Variants in SMAD2 observed in about 807,000 individuals in gnomAD.
SMAD2 encodes SMAD family member 2.
SMAD2 carries 8 observed loss-of-function variants against 64.4 expected under a neutral mutation model. The ratio of observed to expected loss-of-function variants is 0.12; its 90% CI spans 0.07 to 0.22. SMAD2 has a LOEUF of 0.22. Among genes scored for constraint, SMAD2 ranks in the 10% least tolerant of loss-of-function variants. SMAD2 has a pLI of 1.00. For synonymous variants in SMAD2, 203 were observed against 195.8 expected (o/e 1.04, Z -0.31); for missense variants, 289 against 561.2 (o/e 0.51, Z 4.90).
At position 47,824,048 on chromosome 18, in the gene SMAD2, C is replaced by T. The variant is rs373913275; in HGVS notation, c.*17779G>A. On this transcript the variant is annotated 3_prime_UTR_variant, in exon 11 of 11. Coordinates refer to ENST00000262160, the MANE Select transcript of SMAD2 (RefSeq NM_005901.6). ...GGGTTTTAACACTGACTTTTAGTTGCCAATCACTCCTGCCAATGCAGGATG... is the reference window on the plus strand; with the variant it reads ...GGGTTTTAACACTGACTTTTAGTTGTCAATCACTCCTGCCAATGCAGGATG... The T allele has an allele frequency of 1.3e-5, 2 of 152,312 alleles. No individual in the cohort carries two copies. Among genetic ancestry groups the T allele is most frequent in the East Asian group, 3.9e-4 (2 of 5,184 alleles). 9.4% of individuals were successfully genotyped at this position (152,312 alleles called of 1,614,324 possible). A position where few individuals can be genotyped will look rare whatever the true frequency, so the allele number is the denominator to read the frequency against.
chr18:47,885,132 TACACACACACAC>T (rs57342899), intron 2 of SMAD2, among the ~76,000 whole-genome samples: 36,207 of 141,668 alleles, frequency 0.26, 4,888 homozygotes, highest in Non-Finnish European at 0.31. Context: ...TTTAGTCATA[TACACACACACAC>T]ACACACACAC....
intron 6 of SMAD2, among the ~76,000 whole-genome samples, chr18:47,861,292 C>T (rs1241670067): frequency 6.6e-6 from 1 of 152,096 alleles, no homozygotes; most frequent in Admixed American, 6.5e-5. Flanking sequence ...CCATTGCACT[C>T]TAGCCTGGGC....
chr18:47,870,008 G>A (rs1217726872), intron 3 of SMAD2, among the ~76,000 whole-genome samples: 5 of 151,956 alleles, frequency 3.3e-5, no homozygotes, highest in East Asian at 1.9e-4. Flanking sequence ...TACCATATAC[G>A]CAAAAAAGAA....
chr18:47,870,924 A>T (rs2031894489), intron 2 of SMAD2, among the ~76,000 whole-genome samples: 1 of 152,188 alleles, frequency 6.6e-6, no homozygotes, highest in Admixed American at 6.6e-5. Flanking sequence ...CCAGTTTTTT[A>T]AAAAATTATC....
chr18:47,920,760 T>C (rs1444688090), intron 1 of SMAD2, among the ~76,000 whole-genome samples: 2 of 152,236 alleles, frequency 1.3e-5, no homozygotes, highest in East Asian at 1.9e-4. Flanking sequence ...CTTACAGACA[T>C]ACCTGCAAAG....
At chr18:47,874,774 G>A (rs1356610740) in intron 2 of SMAD2, among the ~76,000 whole-genome samples, 1 of 152,128 alleles carries the variant, frequency 6.6e-6, no homozygotes, top group Admixed American at 6.6e-5. Flanking sequence ...AGTTACTTGA[G>A]GTGCAGAGTG....
Position 47,817,388 on chromosome 18 carries a change from CA to C in SMAD2, c.*24438del, listed in dbSNP as rs1194086268. ...GGACTTTACATCCCTCCTGGGATGACAAAAGACTTTTTGTCTTTCCTGGCAA... is the reference window on the plus strand; with the variant it reads ...GGACTTTACATCCCTCCTGGGATGACAAAGACTTTTTGTCTTTCCTGGCAA... On this transcript the variant is annotated 3_prime_UTR_variant, in exon 11 of 11. Coordinates refer to ENST00000262160, the MANE Select transcript of SMAD2 (RefSeq NM_005901.6). The C allele has an allele frequency of 6.6e-6, 1 of 152,184 alleles. No homozygotes were observed. The highest frequency in any genetic ancestry group is 1.5e-5 in the Non-Finnish European group (1 of 68,036). The allele number at this position is 152,184 out of a possible 1,614,324, so 9.4% of individuals were successfully genotyped here.
In SMAD2 at chr18:47,839,039, G is replaced by A. The variant is rs544619605; in HGVS notation, c.*2788C>T. On this transcript the variant is annotated 3_prime_UTR_variant, in exon 11 of 11. Transcript: ENST00000262160. ...GGGGCAGAAAACAAAAAAAAAATCA[G>A]GCCACAGTAGATAAAATACAAAAAA... 9.5e-5 allele frequency: 22 copies of A among 232,802 alleles called. No individual in the cohort carries two copies. Among genetic ancestry groups the A allele is most frequent in the Non-Finnish European group, 1.8e-4 (21 of 117,946 alleles). 14.4% of individuals were successfully genotyped at this position (232,802 alleles called of 1,614,324 possible).
At chr18:47,882,126 T>G (rs1208655748) in intron 2 of SMAD2, among the ~76,000 whole-genome samples, 1 of 133,866 alleles carries the variant, frequency 7.5e-6, no homozygotes, top group Non-Finnish European at 1.6e-5. Flanking sequence ...TCTCAAGCAA[T>G]CCTACTGCGT....
At chr18:47,894,327 T>C (rs2033339171) in intron 2 of SMAD2, among the ~76,000 whole-genome samples, 1 of 152,200 alleles carries the variant, frequency 6.6e-6, no homozygotes, top group Admixed American at 6.5e-5. Context: ...GCAACCCACG[T>C]TGCACTTGAA....
chr18:47,929,564 T>C (rs187735514), intron 1 of SMAD2, among the ~76,000 whole-genome samples: 47 of 152,360 alleles, frequency 3.1e-4, no homozygotes, highest in Non-Finnish European at 6.5e-4. Context: ...AAAATGCTGC[T>C]TGCAAATTCG....
In SMAD2 at chr18:47,886,654, G is replaced by A. The variant is rs187000527; in HGVS notation, c.236+9867C>T. Reference sequence around the variant, plus strand: ...GCAAAGTTCTAAAAGACAAAAGGCTGGGGTGAAGGAGTTAGTGAGAAGTCT... The same window carrying A: ...GCAAAGTTCTAAAAGACAAAAGGCTAGGGTGAAGGAGTTAGTGAGAAGTCT... On this transcript the variant is annotated intron_variant, in intron 2 of 10. Coordinates refer to ENST00000262160, the MANE Select transcript of SMAD2 (RefSeq NM_005901.6). Among the ~76,000 whole-genome samples, 89 of 151,912 alleles carry A rather than the reference G, an allele frequency of 5.9e-4. 1 individual carries two copies. The highest frequency in any genetic ancestry group is 9.9e-4 in the Non-Finnish European group (67 of 67,954).
intron 6 of SMAD2, among the ~76,000 whole-genome samples, chr18:47,856,346 T>A (rs148032161): frequency 9.8e-5 from 15 of 152,326 alleles, no homozygotes; most frequent in African/African-American, 3.6e-4. Flanking sequence ...GGTGCTCTTA[T>A]CACACACATA....
At chr18:47,874,603 CAA>C (rs372282361) in intron 2 of SMAD2, among the ~76,000 whole-genome samples, 1 of 152,090 alleles carries the variant, frequency 6.6e-6, no homozygotes, top group African/African-American at 2.4e-5. Context: ...AAAGTCCCAA[CAA>C]AAAATTCATA....
intron 2 of SMAD2, among the ~76,000 whole-genome samples, chr18:47,887,810 A>G (rs112865639): frequency 7.3e-4 from 111 of 152,298 alleles, no homozygotes; most frequent in African/African-American, 2.3e-3. Context: ...GACACATGTC[A>G]AACTGAGAAG....
chr18:47,923,540 A>C (rs1292563029), intron 1 of SMAD2: 1 of 152,216 alleles, frequency 6.6e-6, no homozygotes, highest in Admixed American at 6.5e-5. Context: ...TCAAGTGCTA[A>C]ATAGCCACAT....
intron 2 of SMAD2, among the ~76,000 whole-genome samples, chr18:47,871,633 T>C (rs939070024): frequency 2.0e-5 from 3 of 152,174 alleles, no homozygotes; most frequent in African/African-American, 7.2e-5. Flanking sequence ...GTTCTGAAAT[T>C]TTCCAGCATC....
intron 1 of SMAD2, among the ~76,000 whole-genome samples, chr18:47,917,288 T>G (rs1430954587): frequency 6.6e-6 from 1 of 152,234 alleles, no homozygotes; most frequent in Non-Finnish European, 1.5e-5. Flanking sequence ...ATACCTGTAA[T>G]TCTTCCAATT....
At chr18:47,911,118 GAGGCGGTTGGATCACGAGGTC>G (rs2034114237) in intron 1 of SMAD2, among the ~76,000 whole-genome samples, 1 of 152,130 alleles carries the variant, frequency 6.6e-6, no homozygotes, top group African/African-American at 2.4e-5. Context: ...TTGAGAGGCA[GAGGCGGTTGGATCACGAGGTC>G]AGGCATTCGA....
Sources: allele counts gnomAD v4.1 joint callset (sites outside exome capture counted in the v4.1 genomes callset), GRCh38; gene constraint gnomAD v4.1.1; transcripts MANE v1.5; gene names NCBI Gene and HGNC (gene_info 2026-07-23, HGNC 2026-07-21).